AMMECR1: variants seen among roughly 807,000 people sequenced by gnomAD.
AMMECR1 encodes nuclear protein AMMECR1.
Under a neutral mutation model 22.5 loss-of-function variants are expected in AMMECR1, and 3 were observed. That is an observed-to-expected ratio of 0.13 (90% CI 0.06 to 0.35). The LOEUF (loss-of-function observed/expected upper bound fraction) is 0.35. AMMECR1 is among the 10% of genes least tolerant of loss of function. The pLI is 1.00. For synonymous variants in AMMECR1, 130 were observed against 116.7 expected (o/e 1.11, Z -0.74); for missense variants, 235 against 278.7 (o/e 0.84, Z 1.12).
chrX:110,359,261 G>A (rs1296708771), intron 2 of AMMECR1, among the ~76,000 whole-genome samples: 1 of 110,884 alleles, frequency 9.0e-6, no homozygotes, highest in Admixed American at 9.7e-5. Context: ...TCCTGGGCAA[G>A]TCTACTTTGC....
chrX:110,203,955 C>A (rs1448720082), intron 3 of AMMECR1, among the ~76,000 whole-genome samples: 4 of 111,563 alleles, frequency 3.6e-5, no homozygotes, highest in African/African-American at 1.3e-4. Context: ...AGTACTCTTA[C>A]GAATCTCTTT....
chrX:110,316,989 G>T (rs894160616), intron 1 of AMMECR1, among the ~76,000 whole-genome samples: 1 of 111,246 alleles, frequency 9.0e-6, no homozygotes, highest in African/African-American at 3.3e-5. Flanking sequence ...TTTAATGGGT[G>T]TATTTGGATA....
chrX:110,284,102 G>A (rs937165136), intron 1 of AMMECR1, among the ~76,000 whole-genome samples: 9 of 110,373 alleles, frequency 8.2e-5, no homozygotes, highest in Non-Finnish European at 1.7e-4. Context: ...CTCCAGCCTG[G>A]GTGACAGAGT....
At chrX:110,372,558 C>A (rs1277046943) in intron 2 of AMMECR1, among the ~76,000 whole-genome samples, 1 of 111,369 alleles carries the variant, frequency 9.0e-6, no homozygotes, top group Non-Finnish European at 1.9e-5. Flanking sequence ...AAGTATACAG[C>A]CCTACTTCAT....
chrX:110,329,039 C>T (rs1047727479), intron 2 of AMMECR1, among the ~76,000 whole-genome samples: 1 of 112,436 alleles, frequency 8.9e-6, no homozygotes, highest in Non-Finnish European at 1.9e-5. Flanking sequence ...TGAGGAATCG[C>T]CACACTGTCT....
intron 2 of AMMECR1, among the ~76,000 whole-genome samples, chrX:110,232,612 T>C (rs113910346): frequency 0.044 from 4,831 of 110,314 alleles, 287 homozygotes; most frequent in African/African-American, 0.15. Flanking sequence ...AAGAACTAGC[T>C]GGGCACCGTG....
chrX:110,433,007 G>A (rs1488350665), intron 1 of AMMECR1, among the ~76,000 whole-genome samples: 2 of 112,593 alleles, frequency 1.8e-5, no homozygotes, highest in Non-Finnish European at 3.8e-5. Flanking sequence ...GCAAGTCCTC[G>A]ACCTCCTGGC....
chrX:110,321,512 G>A (rs113085992), upstream of AMMECR1, among the ~76,000 whole-genome samples: 439 of 111,751 alleles, frequency 3.9e-3, 2 homozygotes, highest in Middle Eastern at 0.014. Context: ...TTGGACAGAG[G>A]TTATGCATAT....
At chrX:110,439,935 C>G (rs776687168) in exon 1 of AMMECR1, 1 of 110,428 alleles carries the variant, frequency 9.1e-6, no homozygotes, top group Non-Finnish European at 1.9e-5. Context: ...TACAGGCTCC[C>G]GAATGCCTGC....
intron 1 of AMMECR1, among the ~76,000 whole-genome samples, chrX:110,434,228 C>T (rs1249228990): frequency 2.7e-5 from 3 of 111,308 alleles, no homozygotes; most frequent in Admixed American, 9.5e-5. Context: ...GGGGAGTGGA[C>T]GAGTATTTGG....
At chrX:110,234,669 AAT>A in intron 2 of AMMECR1, among the ~76,000 whole-genome samples, 2 of 111,552 alleles carry the variant, frequency 1.8e-5, no homozygotes, top group African/African-American at 6.5e-5. Flanking sequence ...CCTCAGAAAT[AAT>A]GCCACACATC....
chrX:110,372,211 A>G (rs1569416758), intron 2 of AMMECR1, among the ~76,000 whole-genome samples: 1 of 112,474 alleles, frequency 8.9e-6, no homozygotes, highest in Non-Finnish European at 1.9e-5. Context: ...TTTGGTGAGT[A>G]TTGGTTATCT....
intron 2 of AMMECR1, among the ~76,000 whole-genome samples, chrX:110,368,275 G>A (rs1182920861): frequency 2.7e-5 from 3 of 110,488 alleles, no homozygotes; most frequent in Non-Finnish European, 5.7e-5. Flanking sequence ...GCTCAAAACC[G>A]TCCGTGGCCT....
intron 2 of AMMECR1, among the ~76,000 whole-genome samples, chrX:110,370,804 C>T (rs1270392776): frequency 8.9e-6 from 1 of 112,012 alleles, no homozygotes; most frequent in Non-Finnish European, 1.9e-5. Flanking sequence ...TATAACACAT[C>T]CATAACCAAA....
intron 2 of AMMECR1, among the ~76,000 whole-genome samples, chrX:110,248,326 C>T (rs949004160): frequency 1.8e-5 from 2 of 109,964 alleles, no homozygotes; most frequent in Non-Finnish European, 1.9e-5. Context: ...GTTGAGGCTG[C>T]AATGAGCTGT....
chrX:110,290,422 T>C (rs1385174490), intron 1 of AMMECR1, among the ~76,000 whole-genome samples: 1 of 111,924 alleles, frequency 8.9e-6, no homozygotes, highest in Non-Finnish European at 1.9e-5. Context: ...TGTATAAGAT[T>C]TATGTGCTGA....
intron 2 of AMMECR1, among the ~76,000 whole-genome samples, chrX:110,387,892 C>T (rs2068467921): frequency 1.1e-5 from 1 of 88,440 alleles, no homozygotes; most frequent in South Asian, 6.5e-4. Context: ...GACGGTGTCT[C>T]ACTCTGTCGC....
chrX:110,223,598 G>A (rs968642558), intron 2 of AMMECR1, among the ~76,000 whole-genome samples: 7 of 111,760 alleles, frequency 6.3e-5, no homozygotes, highest in African/African-American at 2.0e-4. Context: ...GATCTCATCC[G>A]TGTGTTCTCT....
intron 1 of AMMECR1, among the ~76,000 whole-genome samples, chrX:110,430,853 T>G (rs1303377680): frequency 8.9e-6 from 1 of 112,466 alleles, no homozygotes. Flanking sequence ...ATCTTGTATG[T>G]CAAACTGAAA....
Sources: allele counts gnomAD v4.1 joint callset (sites outside exome capture counted in the v4.1 genomes callset), GRCh38; gene constraint gnomAD v4.1.1; transcripts MANE v1.5; gene names NCBI Gene and HGNC (gene_info 2026-07-23, HGNC 2026-07-21).